The following C17orf75 variants were observed in gnomAD, a reference collection of about 807,000 sequenced individuals.
C17orf75 encodes protein Njmu-R1.
In C17orf75, 32 loss-of-function variants were observed where a neutral mutation model predicts 49.6. The ratio of observed to expected loss-of-function variants is 0.65; its 90% confidence interval spans 0.49 to 0.87. The LOEUF (loss-of-function observed/expected upper bound fraction) is 0.87, where lower values mean the gene tolerates loss of function less well. Among genes scored for constraint, C17orf75 ranks in the 40% least tolerant of loss-of-function variants. The pLI is 0.00. For synonymous variants in C17orf75, 158 were observed against 159.5 expected (o/e 0.99, Z 0.07); for missense variants, 428 against 473.9 (o/e 0.90, Z 0.90).
At chr17:32,346,564 T>C (rs1482006676), upstream of C17orf75, among the ~76,000 whole-genome samples, 1 of 151,264 alleles carries the variant, frequency 6.6e-6, no homozygotes, top group Non-Finnish European at 1.5e-5. Context: ...CTTTAATTTC[T>C]AACAGCAATT....
In C17orf75 at chr17:32,341,229, C is replaced by T; in HGVS notation, c.196G>A (p.Glu66Lys). Reference sequence around the variant, plus strand: ...CTGAAATCATCACCAGAGGGAGTTTCTGCATTTGTGCCACTTGGGCTTCCG... The same window carrying T: ...CTGAAATCATCACCAGAGGGAGTTTTTGCATTTGTGCCACTTGGGCTTCCG... ...EDGSPSGTNA[E>K]TPSGDDFSLS... is the part of the protein sequence containing the mutation. Residue 66 changes from glutamate to lysine, a missense_variant, in exon 2 of 10, where the codon GAA (glutamate) becomes AAA (lysine). Transcript: ENST00000577809. The T allele has an allele frequency of 6.2e-7, 1 of 1,613,980 alleles. No individual in the cohort carries two copies. The highest frequency in any genetic ancestry group is 8.5e-7 in the Non-Finnish European group (1 of 1,179,890).
intron 6 of C17orf75, 37 bp downstream of exon 6, chr17:32,335,286 C>T (rs768771621): frequency 9.7e-5 from 156 of 1,606,830 alleles, no homozygotes; most frequent in Non-Finnish European, 1.3e-4. Context: ...CAAAGTGATT[C>T]TCAGTTAAGG....
At chr17:32,347,814 T>G (rs540053441) in intron 1 of C17orf75, among the ~76,000 whole-genome samples, 15 of 152,312 alleles carry the variant, frequency 9.8e-5, no homozygotes, top group African/African-American at 3.6e-4. Context: ...CATTGGTGAT[T>G]ACGTTTCAAG....
intron 9 of C17orf75, 22 bp from the exon 10 acceptor site, chr17:32,332,000 A>G (rs764637468): frequency 1.9e-6 from 3 of 1,574,104 alleles, no homozygotes; most frequent in Middle Eastern, 4.5e-4. Context: ...TTACCCAGTT[A>G]AAAATGTGTT....
Position 32,334,523 on chromosome 17 carries a change from G to T in C17orf75, c.817C>A (p.His273Asn), listed in dbSNP as rs1475457740. Residue 273 changes from histidine to asparagine, a missense_variant, in exon 8 of 10, where the codon CAT (histidine) becomes AAT (asparagine). His to Asn is a moderately conservative substitution (Grantham distance 68). Coordinates refer to ENST00000577809, the MANE Select transcript of C17orf75 (RefSeq NM_022344.4). ...CTGCAATCGATGACCACAGACTTAT[G>T]CTGCTCCTCTGTCATGGCCATGCAC... ...SLCMAMTEEQ[H>N]KSVVIDCSSS... 1 of 1,612,496 alleles carries T rather than the reference G, an allele frequency of 6.2e-7. No individual in the cohort carries two copies. The highest frequency in any genetic ancestry group is 1.7e-5 in the Admixed American group (1 of 59,786).
Position 32,331,958 on chromosome 17 carries a change from A to ATTGT in C17orf75, c.992_995dup (p.Asn332LysfsTer19). On this transcript the variant is annotated frameshift_variant, in exon 10 of 10. Coordinates refer to ENST00000577809, the MANE Select transcript of C17orf75 (RefSeq NM_022344.4). LOFTEE classifies it high-confidence loss of function. ...CTGCCTGTCGGATAAATCTCTTCAA[A>ATTGT]TTGTTTGTGTCTTGTATGGCCTAGA... The ATTGT allele has an allele frequency of 6.2e-7, 1 of 1,612,444 alleles. No homozygotes were observed. The highest frequency in any genetic ancestry group is 2.2e-5 in the East Asian group (1 of 44,802).
At chr17:32,343,943 C>T (rs1162211377), upstream of C17orf75, 1 of 684,060 alleles carries the variant, frequency 1.5e-6, no homozygotes, top group South Asian at 1.5e-5. Flanking sequence ...GGTTACAAGG[C>T]AGCCATCTCC....
intron 5 of C17orf75, 134 bp downstream of exon 5, chr17:32,337,760 TTCA>T (rs1387660484): frequency 7.7e-6 from 5 of 646,754 alleles, no homozygotes; most frequent in Middle Eastern, 2.6e-4. Flanking sequence ...GAGATGAAGT[TTCA>T]TCATATTGAC....
At chr17:32,344,246 G>A, upstream of C17orf75, 6 of 348,556 alleles carry the variant, frequency 1.7e-5, no homozygotes, top group South Asian at 2.0e-4. Flanking sequence ...TGATCCTTCT[G>A]CCCCATCCTC....
At position 32,342,148 on chromosome 17, in the gene C17orf75, C is replaced by A. The variant is rs2041388683; in HGVS notation, c.-9G>T. The A allele has an allele frequency of 6.3e-7, 1 of 1,592,236 alleles. No homozygotes were observed. The highest frequency in any genetic ancestry group is 8.5e-7 in the Non-Finnish European group (1 of 1,170,814). On this transcript the variant is annotated 5_prime_UTR_variant, in exon 1 of 10. Transcript: ENST00000577809. The stretch of plus-strand genomic sequence containing the variant: ...TGCAAAGAGGGGAGCATTGCGGCGG[C>A]CTCTGAGCGGCCCTGTGTCTCCGCC...
intron 2 of C17orf75, among the ~76,000 whole-genome samples, chr17:32,340,501 C>T (rs930256232): frequency 1.3e-5 from 2 of 151,986 alleles, no homozygotes; most frequent in South Asian, 2.1e-4. Flanking sequence ...AAAAATTAGC[C>T]GGGCGTGGTG....
chr17:32,347,446 T>G (rs190813122), intron 1 of C17orf75, among the ~76,000 whole-genome samples: 1 of 151,840 alleles, frequency 6.6e-6, no homozygotes, highest in Admixed American at 6.6e-5. Flanking sequence ...ACTCAGCTAT[T>G]TTTTTTGTAT....
intron 5 of C17orf75, among the ~76,000 whole-genome samples, chr17:32,336,815 T>C (rs2041330341): frequency 6.6e-6 from 1 of 152,182 alleles, no homozygotes; most frequent in African/African-American, 2.4e-5. Flanking sequence ...TGTGAAACTT[T>C]CAGCACTTAC....
intron 2 of C17orf75, 81 bp downstream of exon 2, chr17:32,341,123 A>C: frequency 1.7e-5 from 24 of 1,383,368 alleles, no homozygotes; most frequent in Non-Finnish European, 2.3e-5. Context: ...CAGTGGAAAT[A>C]GAGTATCCAC....
At chr17:32,332,946 G>A (rs2041291060) in intron 9 of C17orf75, among the ~76,000 whole-genome samples, 1 of 152,114 alleles carries the variant, frequency 6.6e-6, no homozygotes, top group Non-Finnish European at 1.5e-5. Flanking sequence ...ACATAGCCAG[G>A]ATTACAGGCA....
chr17:32,341,350 T>C (rs1044836043), intron 1 of C17orf75, 66 bp from the exon 2 acceptor site: 2 of 1,538,538 alleles, frequency 1.3e-6, no homozygotes, highest in Non-Finnish European at 1.8e-6. Flanking sequence ...TATGGGGGCC[T>C]GGCAAGCAGG....
At chr17:32,341,048 A>G (rs1216545062) in intron 2 of C17orf75, 156 bp downstream of exon 2, 1 of 743,110 alleles carries the variant, frequency 1.3e-6, no homozygotes, top group Non-Finnish European at 2.3e-6. Context: ...GAACCAGCCA[A>G]TGAGGAAATC....
At chr17:32,334,243 A>T (rs971092067) in intron 8 of C17orf75, among the ~76,000 whole-genome samples, 1 of 152,200 alleles carries the variant, frequency 6.6e-6, no homozygotes, top group African/African-American at 2.4e-5. Context: ...CTCCTTGTGT[A>T]CACATACTAG....
intron 1 of C17orf75, 180 bp downstream of exon 1, chr17:32,341,820 G>A (rs1226883040): frequency 1.9e-6 from 2 of 1,066,324 alleles, no homozygotes; most frequent in African/African-American, 3.4e-5. Context: ...ACGGGGGCCA[G>A]GAAGAGCAGC....
Sources: allele counts gnomAD v4.1 joint callset (sites outside exome capture counted in the v4.1 genomes callset), GRCh38; gene constraint gnomAD v4.1.1; transcripts MANE v1.5; gene names NCBI Gene and HGNC (gene_info 2026-07-23, HGNC 2026-07-21).